RSPRY1: variants seen among roughly 807,000 people sequenced by gnomAD.
RSPRY1 encodes RING finger and SPRY domain-containing protein 1.
A neutral mutation model predicts 73.1 loss-of-function variants in RSPRY1; 23 were observed. That is an observed-to-expected ratio of 0.31 (90% CI 0.23 to 0.45). The LOEUF is 0.45. Ranked by LOEUF, RSPRY1 falls within the 20% of genes least tolerant of loss-of-function variation. The pLI is 1.00. For missense variants in RSPRY1, 448 were observed against 698.7 expected (o/e 0.64, Z 4.05); for synonymous variants, 226 against 251.4 (o/e 0.90, Z 0.95).
intron 1 of RSPRY1, among the ~76,000 whole-genome samples, chr16:57,197,521 G>T (rs2146192324): frequency 6.6e-6 from 1 of 151,708 alleles, no homozygotes. Flanking sequence ...AAAAAAGTCT[G>T]GCTTTAAAGT....
intron 7 of RSPRY1, chr16:57,216,641 G>A: frequency 2.3e-6 from 1 of 433,196 alleles, no homozygotes; most frequent in South Asian, 2.7e-5. Context: ...GATCACTTGA[G>A]CCCAGTAGTT....
Position 57,209,096 on chromosome 16 carries a change from TC to T in RSPRY1, c.427del (p.Gln143SerfsTer3), listed in dbSNP as rs1201859859. On this transcript the variant is annotated frameshift_variant, in exon 4 of 15. Coordinates refer to ENST00000394420, the MANE Select transcript of RSPRY1 (RefSeq NM_133368.3). LOFTEE classifies it high-confidence loss of function. Reference protein sequence around the residue: ...AETDEGWLDVVQSLIRVIPLE... With the variant: ...AETDEGWLDVXQSLIRVIPLE... ...TTAGATGAAGGATGGTTGGATGTTG[TC>T]CAGTCTTTAATTAGAGTTATTCCAC... 1.2e-6 allele frequency: 2 copies of T among 1,612,024 alleles called. No individual in the cohort carries two copies.
At chr16:57,221,477 G>T in intron 10 of RSPRY1, 62 bp downstream of exon 10, 3 of 1,503,148 alleles carry the variant, frequency 2.0e-6, no homozygotes, top group Non-Finnish European at 9.0e-7. Flanking sequence ...CCCCCTAGTT[G>T]GTGGGTGGAA....
At chr16:57,210,154 C>G (rs546477215) in intron 4 of RSPRY1, among the ~76,000 whole-genome samples, 1 of 151,758 alleles carries the variant, frequency 6.6e-6, no homozygotes, top group East Asian at 2.0e-4. Context: ...TCATGGCTCA[C>G]TGTATCCTCA....
At chr16:57,221,937 A>G (rs1223915305) in intron 10 of RSPRY1, among the ~76,000 whole-genome samples, 1 of 152,250 alleles carries the variant, frequency 6.6e-6, no homozygotes, top group Non-Finnish European at 1.5e-5. Flanking sequence ...ATCCTAGAGT[A>G]AGTAGCATTG....
At chr16:57,229,987 G>A (rs1408032088) in intron 11 of RSPRY1, among the ~76,000 whole-genome samples, 1 of 134,642 alleles carries the variant, frequency 7.4e-6, no homozygotes, top group Non-Finnish European at 1.6e-5. Context: ...TTATAGGCAT[G>A]AACCACCACG....
In RSPRY1 at chr16:57,216,193, G is replaced by GCAC. The variant is rs757856710; in HGVS notation, c.769+21_769+23dup. On this transcript the variant is annotated intron_variant, in intron 7 of 14. Transcript: ENST00000394420. ...AGACAAGTAGGTATAGTGACTTCTT[G>GCAC]CACTAATGATCTTCTGTATTGGTTG... 1 of 1,561,428 alleles carries GCAC rather than the reference G, an allele frequency of 6.4e-7. No homozygotes were observed. The highest frequency in any genetic ancestry group is 8.8e-7 in the Non-Finnish European group (1 of 1,133,590).
chr16:57,199,962 G>A (rs1386489757), intron 1 of RSPRY1, among the ~76,000 whole-genome samples: 1 of 140,354 alleles, frequency 7.1e-6, no homozygotes, highest in South Asian at 2.3e-4. Context: ...CGCAGAGGGG[G>A]ATTTGGCAGG....
At chr16:57,217,135 T>TCCTCATAAGGACCTCATAAGGA (rs1486287151) in intron 8 of RSPRY1, 100 bp downstream of exon 8, 3 of 1,334,036 alleles carry the variant, frequency 2.2e-6, no homozygotes, top group Admixed American at 3.5e-5. Flanking sequence ...TAAGTATGAG[T>TCCTCATAAGGACCTCATAAGGA]CCTCATAAGG....
intron 10 of RSPRY1, among the ~76,000 whole-genome samples, chr16:57,221,777 G>A (rs2075040722): frequency 1.3e-5 from 2 of 152,206 alleles, no homozygotes; most frequent in African/African-American, 4.8e-5. Context: ...GCTCTTAAGA[G>A]CTTTGTAGGG....
intron 13 of RSPRY1, among the ~76,000 whole-genome samples, chr16:57,234,121 C>T (rs569813952): frequency 1.1e-4 from 16 of 152,242 alleles, no homozygotes; most frequent in African/African-American, 3.4e-4. Context: ...TACCCTCTCC[C>T]GTTTTCTCAT....
Position 57,209,157 on chromosome 16 carries a change from G to A in RSPRY1, c.486G>A (p.Leu162=). ...CACTGGGACCAGCTGTTATAACATT[G>A]TTACTAGATGAATGTCCATTGCCCA... ...EDPLGPAVIT[L]LLDECPLPTK... Residue 162 remains leucine, a synonymous_variant, in exon 4 of 15, where the codon TTG becomes TTA. Transcript: ENST00000394420. The A allele has an allele frequency of 6.2e-7, 1 of 1,611,148 alleles. No homozygotes were observed. The highest frequency in any genetic ancestry group is 8.5e-7 in the Non-Finnish European group (1 of 1,177,888).
chr16:57,186,726 T>A (rs2074199781), intron 1 of RSPRY1: 1 of 150,688 alleles, frequency 6.6e-6, no homozygotes, highest in Non-Finnish European at 1.5e-5. Context: ...TCGGGGGTCC[T>A]CACCAGAAGA....
intron 1 of RSPRY1, among the ~76,000 whole-genome samples, chr16:57,189,608 T>C (rs1392520852): frequency 6.7e-6 from 1 of 149,846 alleles, no homozygotes; most frequent in Non-Finnish European, 1.5e-5. Flanking sequence ...TTTTTTTTTT[T>C]TGAGACAGGG....
intron 10 of RSPRY1, among the ~76,000 whole-genome samples, chr16:57,225,294 C>T (rs1216561736): frequency 6.6e-6 from 1 of 152,216 alleles, no homozygotes; most frequent in Non-Finnish European, 1.5e-5. Flanking sequence ...TGCCTGGCCT[C>T]AAGTGATCTG....
In RSPRY1 at chr16:57,186,402, G is replaced by GCGC. The variant is rs769459201; in HGVS notation, c.-191_-189dup. ...CTCTCGGACCTGTCACAAAGGAGTC[G>GCGC]CGCCGCCGCCGCCGCCCCCTCCCTC... is the stretch of plus-strand genomic sequence containing the variant. On this transcript the variant is annotated 5_prime_UTR_variant, in exon 1 of 15. Coordinates refer to ENST00000394420, the MANE Select transcript of RSPRY1 (RefSeq NM_133368.3). 1.3e-4 allele frequency: 20 copies of GCGC among 159,908 alleles called. No individual in the cohort carries two copies. The East Asian group carries it at 3.2e-3, about 26-fold the overall frequency. The allele number at this position is 159,908 out of a possible 1,614,324, so 9.9% of individuals were successfully genotyped here.
At chr16:57,227,855 A>G (rs1370623554) in intron 11 of RSPRY1, among the ~76,000 whole-genome samples, 1 of 152,180 alleles carries the variant, frequency 6.6e-6, no homozygotes, top group Non-Finnish European at 1.5e-5. Flanking sequence ...GCCACGCTCT[A>G]AGGAAGTAGG....
At chr16:57,236,924 T>TGGGAGGCCAAGGCGGGTGGATC (rs1412016365) in intron 14 of RSPRY1, among the ~76,000 whole-genome samples, 1 of 152,072 alleles carries the variant, frequency 6.6e-6, no homozygotes, top group Non-Finnish European at 1.5e-5. Flanking sequence ...CCCAGCACTT[T>TGGGAGGCCAAGGCGGGTGGATC]GGGAGGCCAA....
At chr16:57,203,477 T>A (rs1265023341) in intron 1 of RSPRY1, among the ~76,000 whole-genome samples, 1 of 152,228 alleles carries the variant, frequency 6.6e-6, no homozygotes, top group Non-Finnish European at 1.5e-5. Context: ...ATGTGGCCTG[T>A]TCTCCAGCTG....
Sources: gnomAD v4.1 joint callset for allele counts (sites outside exome capture counted in the v4.1 genomes callset) on GRCh38, gnomAD v4.1.1 for gene constraint, MANE v1.5 for transcripts, NCBI Gene and HGNC (gene_info 2026-07-23, HGNC 2026-07-21) for gene names.